JMJD1C: variants seen among roughly 807,000 people sequenced by gnomAD.
JMJD1C encodes the protein jumonji domain containing 1C, also known as jumonji domain-containing protein 1C.
JMJD1C carries 31 observed loss-of-function variants against 245.3 expected under a neutral mutation model. The ratio of observed to expected loss-of-function variants is 0.13; its 90% CI spans 0.09 to 0.17. The LOEUF (loss-of-function observed/expected upper bound fraction) is 0.17. JMJD1C is among the 10% of genes least tolerant of loss of function. JMJD1C has a pLI of 1.00. For synonymous variants in JMJD1C, 1,057 were observed against 1,017.4 expected, an observed-to-expected ratio of 1.04 and a Z score of -0.74; for missense variants, 2,691 against 3,000.2, an observed-to-expected ratio of 0.90 and a Z score of 2.41.
chr10:63,415,314 T>TC (rs1379954017), intron 1 of JMJD1C, among the ~76,000 whole-genome samples: 3 of 152,284 alleles, frequency 2.0e-5, no homozygotes, highest in Middle Eastern at 3.4e-3. Flanking sequence ...ATAACCCTTC[T>TC]CCATCTAATA....
intron 1 of JMJD1C, among the ~76,000 whole-genome samples, chr10:63,459,834 T>C (rs7075205): frequency 0.66 from 100,311 of 152,098 alleles, 36,014 homozygotes; most frequent in Non-Finnish European, 0.81. Context: ...AGTAAATTTA[T>C]TCTCCCAAAA....
At chr10:63,280,800 TC>T (rs1461430973) in intron 2 of JMJD1C, among the ~76,000 whole-genome samples, 1 of 152,306 alleles carries the variant, frequency 6.6e-6, no homozygotes, top group East Asian at 1.9e-4. Context: ...CCTGAATGTT[TC>T]ATGTATTATT....
intron 2 of JMJD1C, among the ~76,000 whole-genome samples, chr10:63,336,014 G>A (rs182193980): frequency 7.9e-5 from 12 of 152,026 alleles, no homozygotes; most frequent in Admixed American, 2.0e-4. Flanking sequence ...CCAGCTACTC[G>A]GGAGGCTGAG....
intron 11 of JMJD1C, among the ~76,000 whole-genome samples, chr10:63,200,268 T>C (rs1845871745): frequency 6.6e-6 from 1 of 152,214 alleles, no homozygotes; most frequent in South Asian, 2.1e-4. Context: ...ATATGGAACA[T>C]GAGTAATAAT....
At chr10:63,456,688 C>T (rs1429045891) in intron 1 of JMJD1C, among the ~76,000 whole-genome samples, 1 of 152,094 alleles carries the variant, frequency 6.6e-6, no homozygotes, top group African/African-American at 2.4e-5. Context: ...ATTCCTACTG[C>T]CATGTTAACA....
chr10:63,324,901 G>A (rs1049460498), intron 2 of JMJD1C, among the ~76,000 whole-genome samples: 2 of 152,132 alleles, frequency 1.3e-5, no homozygotes, highest in African/African-American at 4.8e-5. Flanking sequence ...GTAAATTGCT[G>A]GAGTCATGAA....
intron 3 of JMJD1C, among the ~76,000 whole-genome samples, chr10:63,253,407 G>A (rs148125937): frequency 0.013 from 1,978 of 149,104 alleles, 30 homozygotes; most frequent in African/African-American, 0.034. Flanking sequence ...TTTTTGAGAC[G>A]AAGTCTTGCT....
intron 1 of JMJD1C, chr10:63,489,493 C>A: frequency 6.4e-6 from 1 of 156,358 alleles, no homozygotes; most frequent in South Asian, 2.0e-4. Flanking sequence ...TTCTTCCACT[C>A]TTTCACCGAG....
intron 16 of JMJD1C, among the ~76,000 whole-genome samples, chr10:63,192,148 G>A (rs1203218174): frequency 2.0e-5 from 3 of 151,248 alleles, no homozygotes; most frequent in African/African-American, 7.3e-5. Flanking sequence ...GCTGGGTATG[G>A]TGGCTCATGT....
chr10:63,521,567 A>G (rs1795063087), intron 1 of JMJD1C: 4 of 1,423,816 alleles, frequency 2.8e-6, no homozygotes, highest in African/African-American at 1.5e-5. Flanking sequence ...GATGATCTCC[A>G]GAGCCGTGGT....
chr10:63,382,984 A>G (rs1277338368), intron 1 of JMJD1C: 1 of 371,060 alleles, frequency 2.7e-6, no homozygotes, highest in Non-Finnish European at 5.3e-6. Flanking sequence ...TATATTTTTA[A>G]GTGTAATAAA....
chr10:63,444,620 TATC>T (rs1408775600), intron 1 of JMJD1C, among the ~76,000 whole-genome samples: 1 of 149,970 alleles, frequency 6.7e-6, no homozygotes. Context: ...GAATACCTAC[TATC>T]TTTTTTTTTT....
rs762177821 is a variant in JMJD1C at position 63,206,982 on chromosome 10, T to C, written c.4687A>G (p.Lys1563Glu). 1 of 1,611,718 alleles carries C rather than the reference T, an allele frequency of 6.2e-7. No individual in the cohort carries two copies. Among genetic ancestry groups the C allele is most frequent in the Non-Finnish European group, 8.5e-7 (1 of 1,179,434 alleles). ...GAATTTTCCATTTTATTAGTATTTT[T>C]ATCTTCTTCTGAGTGTCTGGTGAGC... ...AWLTRHSEED[K>E]NTNKMENSGN... The change falls in exon 10 of 26, where the codon AAA becomes GAA. Residue 1563 changes from lysine (K) to glutamate (E), a missense_variant. Physicochemically the swap from Lys to Glu is moderately conservative, Grantham distance 56 (BLOSUM62 1). Around this residue, in one of 9 missense-constraint regions of JMJD1C, gnomAD observed 5 missense variants for 19.3 expected, o/e 0.26. Transcript: ENST00000399262.
chr10:63,204,950 T>C (rs151332675), intron 10 of JMJD1C: 51 of 985,374 alleles, frequency 5.2e-5, no homozygotes, highest in African/African-American at 8.7e-5. Context: ...AGTGTCCACA[T>C]TGTCACAGAT....
At position 63,207,072 on chromosome 10, in the gene JMJD1C, C is replaced by A. The variant is rs1192589222; in HGVS notation, c.4597G>T (p.Val1533Leu). The change falls in exon 10 of 26, where the codon GTA (valine) becomes TTA (leucine). Residue 1533 changes from valine to leucine, a missense_variant. Coordinates refer to ENST00000399262, the MANE Select transcript of JMJD1C (RefSeq NM_032776.3). ...ICSTINKANS[V>L]GNGQASQTSQ... ...GTCTGGGAAGCTTGCCCATTTCCTA[C>A]AGAGTTTGCTTTGTTAATTGTACTA... The A allele has an allele frequency of 1.2e-6, 2 of 1,614,210 alleles. No individual in the cohort carries two copies. Among genetic ancestry groups the A allele is most frequent in the Admixed American group, 1.7e-5 (1 of 60,022 alleles).
chr10:63,294,836 C>G (rs1859186686), intron 2 of JMJD1C, among the ~76,000 whole-genome samples: 1 of 152,184 alleles, frequency 6.6e-6, no homozygotes, highest in African/African-American at 2.4e-5. Context: ...AAAACAAAGG[C>G]TATCATTAAA....
At chr10:63,500,451 T>C (rs543607681) in intron 1 of JMJD1C, among the ~76,000 whole-genome samples, 5 of 147,228 alleles carry the variant, frequency 3.4e-5, no homozygotes, top group African/African-American at 1.2e-4. Flanking sequence ...AAAAGAACTG[T>C]GGCAGGGCAT....
At chr10:63,332,477 A>G (rs1355264014) in intron 2 of JMJD1C, among the ~76,000 whole-genome samples, 3 of 152,266 alleles carry the variant, frequency 2.0e-5, no homozygotes, top group Non-Finnish European at 4.4e-5. Flanking sequence ...AATAGACTGT[A>G]ACCTTGGTGC....
chr10:63,492,073 G>A (rs1672552742), intron 1 of JMJD1C, among the ~76,000 whole-genome samples: 1 of 152,068 alleles, frequency 6.6e-6, no homozygotes, highest in Admixed American at 6.6e-5. Context: ...TCGAGACTTT[G>A]TCACCCAGGC....
Sources: allele counts gnomAD v4.1 joint callset (sites outside exome capture counted in the v4.1 genomes callset), GRCh38; gene constraint gnomAD v4.1.1; regional missense constraint gnomAD v4.1.1; transcripts MANE v1.5; gene names NCBI Gene and HGNC (gene_info 2026-07-23, HGNC 2026-07-21).